The following MAP3K14 variants were observed in gnomAD, a reference collection of about 807,000 sequenced individuals.
The protein encoded by MAP3K14 is mitogen-activated protein kinase kinase kinase 14.
MAP3K14 carries 16 observed loss-of-function variants against 99.2 expected under a neutral mutation model. That is an observed-to-expected ratio of 0.16 (90% CI 0.11 to 0.24). The LOEUF (loss-of-function observed/expected upper bound fraction) is 0.24. Ranked by LOEUF, MAP3K14 falls within the 10% of genes least tolerant of loss-of-function variation. The probability of loss-of-function intolerance (pLI) is 1.00; values close to 1 mark genes in which losing one functional copy is unlikely to be tolerated. For synonymous variants in MAP3K14, 462 were observed against 492.4 expected, an observed-to-expected ratio of 0.94 and a Z score of 0.82; for missense variants, 784 against 1,208.7, an observed-to-expected ratio of 0.65 and a Z score of 5.21.
Position 45,263,175 on chromosome 17 carries a change from C to A in MAP3K14, c.*1461G>T, listed in dbSNP as rs2044032276. The A allele has an allele frequency of 6.6e-6, 1 of 152,312 alleles. No individual in the cohort carries two copies. The highest frequency in any genetic ancestry group is 6.5e-5 in the Admixed American group (1 of 15,288). 9.4% of individuals were successfully genotyped at this position (152,312 alleles called of 1,614,324 possible). A position where few individuals can be genotyped will look rare whatever the true frequency, so the allele number is the denominator to read the frequency against. On this transcript the variant is annotated 3_prime_UTR_variant, in exon 16 of 16. Coordinates refer to ENST00000344686, the MANE Select transcript of MAP3K14 (RefSeq NM_003954.5). ...TTTATTGCTTACAAAGAGTTCTCTA[C>A]AACCCAGACTCTGCAGTACCAAGGC...
intron 1 of MAP3K14, among the ~76,000 whole-genome samples, chr17:45,309,330 A>T (rs767482392): frequency 6.6e-6 from 1 of 152,328 alleles, no homozygotes; most frequent in Non-Finnish European, 1.5e-5. Flanking sequence ...CTCAGGCTGG[A>T]AAAGGAGGGC....
At chr17:45,285,942 ACT>A (rs1281858352) in intron 5 of MAP3K14, among the ~76,000 whole-genome samples, 1 of 150,216 alleles carries the variant, frequency 6.7e-6, no homozygotes, top group Non-Finnish European at 1.5e-5. Context: ...ACAGAGTGAG[ACT>A]CTGTCTCAAA....
At chr17:45,275,535 AC>A (rs1338661884) in intron 6 of MAP3K14, among the ~76,000 whole-genome samples, 9 of 150,896 alleles carry the variant, frequency 6.0e-5, no homozygotes, top group Admixed American at 1.3e-4. Flanking sequence ...AAAACAAAAA[AC>A]CCCCTACATT....
chr17:45,267,691 T>C lies in MAP3K14; in HGVS notation c.2041A>G (p.Asn681Asp). ...EPRHPPPNQA[N>D]YHQTLHAQPR... ...TGGGCATGGAGGGTCTGGTGGTAAT[T>C]GGCTTGATTTGGCGGTGGATGTCTT... The change falls in exon 12 of 16, where the codon AAT becomes GAT. Residue 681 changes from asparagine (N) to aspartate (D), a missense_variant. Around this residue, in one of 5 missense-constraint regions of MAP3K14, gnomAD observed 128 missense variants for 143.3 expected, o/e 0.89. Transcript: ENST00000344686. The surrounding 1 kb of genome is among the most constrained non-coding windows in gnomAD (Gnocchi z 5.1). 1.2e-6 allele frequency: 2 copies of C among 1,613,864 alleles called. No individual in the cohort carries two copies. Among genetic ancestry groups the C allele is most frequent in the Non-Finnish European group, 1.7e-6 (2 of 1,179,856 alleles).
At chr17:45,283,745 G>A (rs1468482779) in intron 6 of MAP3K14, among the ~76,000 whole-genome samples, 1 of 152,082 alleles carries the variant, frequency 6.6e-6, no homozygotes, top group Non-Finnish European at 1.5e-5. Flanking sequence ...CTTTTCTTTC[G>A]GGGATTGGAG....
chr17:45,287,390 T>A, intron 3 of MAP3K14, 26 bp from the exon 4 acceptor site: 1 of 1,602,066 alleles, frequency 6.2e-7, no homozygotes, highest in Non-Finnish European at 8.6e-7. Context: ...CAGATTTGCA[T>A]ATTGAGCACG....
Position 45,286,234 on chromosome 17 carries a change from G to T in MAP3K14, c.1152+197C>A, listed in dbSNP as rs1426781056. Among the ~76,000 whole-genome samples the T allele has an allele frequency of 6.6e-6, 1 of 152,126 alleles. No individual in the cohort carries two copies. The highest frequency in any genetic ancestry group is 2.4e-5 in the African/African-American group (1 of 41,426). ...GCAAGCAGGAGGTGACCAACCAGAA[G>T]AACTCAGAACAGAAGACGCTAAAAA... On this transcript the variant is annotated intron_variant, in intron 5 of 15. Transcript: ENST00000344686. This position sits in a 1 kb window ranked among gnomAD's most constrained non-coding sequence, Gnocchi z 4.1.
chr17:45,285,063 GC>G, intron 5 of MAP3K14, 114 bp from the exon 6 acceptor site: 5 of 1,212,774 alleles, frequency 4.1e-6, no homozygotes, highest in Non-Finnish European at 5.7e-6. Context: ...GCTGAGCTGA[GC>G]CCTCACAACC....
intron 5 of MAP3K14, among the ~76,000 whole-genome samples, chr17:45,285,720 C>T (rs891427679): frequency 2.6e-5 from 4 of 151,968 alleles, no homozygotes; most frequent in Non-Finnish European, 4.4e-5. Flanking sequence ...CTTTTGGAGG[C>T]CAATGTGTGA....
intron 1 of MAP3K14, among the ~76,000 whole-genome samples, chr17:45,301,191 C>T (rs1246291752): frequency 6.7e-6 from 1 of 150,138 alleles, no homozygotes; most frequent in Admixed American, 6.6e-5. Flanking sequence ...AAGCCGGGTG[C>T]CATGGCTCAC....
chr17:45,264,626 G>GAGGGCAGGGTT lies in MAP3K14; in HGVS notation c.2843_*9dup. The GAGGGCAGGGTT allele has an allele frequency of 1.3e-6, 2 of 1,566,268 alleles. No individual in the cohort carries two copies. Among genetic ancestry groups the GAGGGCAGGGTT allele is most frequent in the Non-Finnish European group, 8.6e-7 (1 of 1,156,282 alleles). On this transcript the variant is annotated 3_prime_UTR_variant, in exon 16 of 16. Transcript: ENST00000344686. Reference sequence around the variant, plus strand: ...TTCCGGCAGTGTGGAGCCGGCGGTGGAGGGCAGGGTTAGGGCCTGTTCTCC... The same window carrying GAGGGCAGGGTT: ...TTCCGGCAGTGTGGAGCCGGCGGTGGAGGGCAGGGTTAGGGCAGGGTTAGGGCCTGTTCTCC...
chr17:45,265,341 G>C, intron 14 of MAP3K14, 78 bp from the exon 15 acceptor site: 1 of 929,094 alleles, frequency 1.1e-6, no homozygotes, highest in Non-Finnish European at 1.8e-6. Context: ...GGGGCTGGGG[G>C]AACGTTTTTG....
At chr17:45,288,709 G>A (rs906856141) in intron 3 of MAP3K14, among the ~76,000 whole-genome samples, 5 of 152,080 alleles carry the variant, frequency 3.3e-5, no homozygotes, top group Non-Finnish European at 2.9e-5. Flanking sequence ...CATCTGTGGG[G>A]GAATGCAGAG....
chr17:45,284,763 G>T (rs1481629702), intron 6 of MAP3K14, 49 bp downstream of exon 6: 5 of 1,543,710 alleles, frequency 3.2e-6, no homozygotes, highest in South Asian at 2.4e-5. Flanking sequence ...AACACACCAG[G>T]CCCCCTTCCT....
intron 1 of MAP3K14, among the ~76,000 whole-genome samples, chr17:45,304,470 G>A (rs1300209522): frequency 6.6e-6 from 1 of 152,192 alleles, no homozygotes; most frequent in African/African-American, 2.4e-5. Context: ...TAGGTGGTAA[G>A]CTCTTGGGAT....
intron 6 of MAP3K14, among the ~76,000 whole-genome samples, chr17:45,275,037 G>A (rs2044168505): frequency 6.6e-6 from 1 of 152,048 alleles, no homozygotes. Context: ...TACTCGGGAG[G>A]CTGAGGCAGG....
intron 1 of MAP3K14, among the ~76,000 whole-genome samples, chr17:45,316,675 G>T (rs2044536611): frequency 6.6e-6 from 1 of 152,122 alleles, no homozygotes; most frequent in African/African-American, 2.4e-5. Context: ...TGAAGGGGAA[G>T]CAGGCGGCCC....
chr17:45,307,548 C>T (rs911234781), intron 1 of MAP3K14, among the ~76,000 whole-genome samples: 4 of 152,154 alleles, frequency 2.6e-5, no homozygotes, highest in African/African-American at 9.7e-5. Context: ...AAAAACAACT[C>T]TCCTTATTTA....
intron 1 of MAP3K14, among the ~76,000 whole-genome samples, chr17:45,295,277 C>T (rs907075290): frequency 4.6e-5 from 7 of 151,312 alleles, no homozygotes; most frequent in African/African-American, 1.7e-4. Context: ...TGAAATCATA[C>T]CTCATCTCCC....
Sources: gnomAD v4.1 joint callset for allele counts (sites outside exome capture counted in the v4.1 genomes callset) on GRCh38, gnomAD v4.1.1 for gene constraint, gnomAD v4.1.1 regional missense constraint, Gnocchi (gnomAD v3.1) non-coding constraint, MANE v1.5 for transcripts, NCBI Gene and HGNC (gene_info 2026-07-23, HGNC 2026-07-21) for gene names.